The following DTD1 variants were observed in gnomAD, a reference collection of about 807,000 sequenced individuals.
DTD1 encodes the protein D-tyrosyl-tRNA deacylase 1 homolog.
Under a neutral mutation model 25.6 loss-of-function variants are expected in DTD1, and 13 were observed. That is an observed-to-expected ratio of 0.51 (90% CI 0.33 to 0.81). The LOEUF (loss-of-function observed/expected upper bound fraction) is 0.81, where lower values mean the gene tolerates loss of function less well. Ranked by LOEUF, DTD1 falls within the 30% of genes least tolerant of loss-of-function variation. The pLI is 0.02. For synonymous variants in DTD1, 110 were observed against 103.6 expected (o/e 1.06, Z -0.37); for missense variants, 193 against 266.4 (o/e 0.72, Z 1.92).
At chr20:18,634,140 G>A (rs1310876358) in intron 4 of DTD1, among the ~76,000 whole-genome samples, 1 of 152,210 alleles carries the variant, frequency 6.6e-6, no homozygotes, top group South Asian at 2.1e-4. Flanking sequence ...GATTGCTGGT[G>A]CATGAGCTCT....
intron 3 of DTD1, chr20:18,611,240 GT>G (rs536169829): frequency 6.6e-4 from 100 of 152,256 alleles, no homozygotes; most frequent in African/African-American, 2.3e-3. Flanking sequence ...TATATCAACA[GT>G]GTGTCACATT....
intron 3 of DTD1, among the ~76,000 whole-genome samples, chr20:18,626,089 A>G (rs973824765): frequency 1.3e-5 from 2 of 152,228 alleles, no homozygotes; most frequent in African/African-American, 4.8e-5. Context: ...CAATTTGCGC[A>G]TATACTACCA....
intron 4 of DTD1, among the ~76,000 whole-genome samples, chr20:18,735,380 C>T (rs1025914625): frequency 5.9e-5 from 9 of 152,232 alleles, no homozygotes; most frequent in African/African-American, 1.7e-4. Flanking sequence ...CAGGTGTTTG[C>T]GCCACAAAGA....
At chr20:18,626,114 C>T (rs1342168991) in intron 3 of DTD1, among the ~76,000 whole-genome samples, 1 of 152,212 alleles carries the variant, frequency 6.6e-6, no homozygotes. Flanking sequence ...CAGTGGTAGG[C>T]ATGACAATAG....
chr20:18,660,602 A>G (rs1387209563), intron 4 of DTD1, among the ~76,000 whole-genome samples: 1 of 152,224 alleles, frequency 6.6e-6, no homozygotes, highest in Non-Finnish European at 1.5e-5. Context: ...TATTACAAAA[A>G]AAATTATTTA....
At chr20:18,698,128 A>G (rs2061086835) in intron 4 of DTD1, among the ~76,000 whole-genome samples, 2 of 152,182 alleles carry the variant, frequency 1.3e-5, no homozygotes, top group Non-Finnish European at 2.9e-5. Flanking sequence ...CAAATCACAC[A>G]TTTTTACTAT....
chr20:18,613,891 C>T (rs532041022), intron 3 of DTD1, among the ~76,000 whole-genome samples: 4 of 152,264 alleles, frequency 2.6e-5, no homozygotes, highest in East Asian at 3.9e-4. Flanking sequence ...TGTACTGTTG[C>T]CCCTCGTTGA....
chr20:18,649,825 A>G (rs2060866892), intron 4 of DTD1, among the ~76,000 whole-genome samples: 1 of 152,184 alleles, frequency 6.6e-6, no homozygotes, highest in South Asian at 2.1e-4. Flanking sequence ...TAGGCAGCAG[A>G]GAAAGGTGTC....
chr20:18,756,061 A>C (rs1163759500), intron 5 of DTD1, among the ~76,000 whole-genome samples: 1 of 151,720 alleles, frequency 6.6e-6, no homozygotes, highest in Non-Finnish European at 1.5e-5. Context: ...TGGCTGCATA[A>C]ATGTCTTCTT....
chr20:18,628,350 T>A, intron 4 of DTD1, 117 bp downstream of exon 4: 1 of 774,488 alleles, frequency 1.3e-6, no homozygotes, highest in Non-Finnish European at 2.1e-6. Flanking sequence ...TGTATTTATT[T>A]TAATACCTGC....
At chr20:18,680,546 C>A (rs1407666318) in intron 4 of DTD1, among the ~76,000 whole-genome samples, 1 of 151,512 alleles carries the variant, frequency 6.6e-6, no homozygotes, top group Non-Finnish European at 1.5e-5. Context: ...CTGGATTGAA[C>A]ACCTACTCTG....
chr20:18,610,792 G>A (rs2060683548), intron 3 of DTD1, among the ~76,000 whole-genome samples: 1 of 152,098 alleles, frequency 6.6e-6, no homozygotes, highest in Non-Finnish European at 1.5e-5. Context: ...TGTGCCTCTA[G>A]TCCCAGTTAT....
chr20:18,618,766 G>A (rs2060720535), intron 3 of DTD1, among the ~76,000 whole-genome samples: 1 of 149,258 alleles, frequency 6.7e-6, no homozygotes, highest in African/African-American at 2.5e-5. Context: ...AGGCTGGAAT[G>A]TAATGGCGTC....
At chr20:18,736,088 G>A (rs1445467393) in intron 4 of DTD1, among the ~76,000 whole-genome samples, 1 of 152,078 alleles carries the variant, frequency 6.6e-6, no homozygotes, top group African/African-American at 2.4e-5. Context: ...GGATTTCCGG[G>A]CACCTGTGTT....
chr20:18,713,108 C>G (rs555752973), intron 4 of DTD1, among the ~76,000 whole-genome samples: 2 of 152,406 alleles, frequency 1.3e-5, no homozygotes, highest in East Asian at 3.9e-4. Context: ...TGCTCCCCCT[C>G]CCATGGCCTC....
At chr20:18,680,474 T>C (rs1031881820) in intron 4 of DTD1, among the ~76,000 whole-genome samples, 2 of 145,314 alleles carry the variant, frequency 1.4e-5, no homozygotes, top group African/African-American at 5.1e-5. Flanking sequence ...ACTCCTGGGG[T>C]CAAGTGATCC....
chr20:18,708,237 T>TTAC (rs2122471929), intron 4 of DTD1, among the ~76,000 whole-genome samples: 2 of 2,098 alleles, frequency 9.5e-4, no homozygotes, highest in East Asian at 0.021. Flanking sequence ...ATATTTTATA[T>TTAC]ATATATAATA....
At chr20:18,605,947 T>A (rs1202144267) in intron 3 of DTD1, among the ~76,000 whole-genome samples, 160 of 148,520 alleles carry the variant, frequency 1.1e-3, no homozygotes, top group African/African-American at 3.6e-3. Context: ...TAAACTAAAG[T>A]GCTTCTGCAC....
intron 4 of DTD1, among the ~76,000 whole-genome samples, chr20:18,662,655 T>G (rs185165562): frequency 1.3e-5 from 2 of 152,344 alleles, no homozygotes; most frequent in East Asian, 3.9e-4. Context: ...TGTAGAATAC[T>G]GTGCGCCAGT....
Sources: gnomAD v4.1 joint callset for allele counts (sites outside exome capture counted in the v4.1 genomes callset) on GRCh38, gnomAD v4.1.1 for gene constraint, MANE v1.5 for transcripts, NCBI Gene and HGNC (gene_info 2026-07-23, HGNC 2026-07-21) for gene names.